RREB1: variants seen among roughly 807,000 people sequenced by gnomAD.
RREB1 encodes ras-responsive element-binding protein 1.
A neutral mutation model predicts 117.8 loss-of-function variants in RREB1; 27 were observed. That is an observed-to-expected ratio of 0.23 (90% CI 0.17 to 0.32). The LOEUF is 0.32. Ranked by LOEUF, RREB1 falls within the 10% of genes least tolerant of loss-of-function variation. RREB1 has a pLI of 1.00. For synonymous variants in RREB1, 1,298 were observed against 1,026.7 expected (o/e 1.26, Z -5.05); for missense variants, 2,577 against 2,378.2 (o/e 1.08, Z -1.74).
chr6:7,133,120 C>T (rs543404399), intron 1 of RREB1, among the ~76,000 whole-genome samples: 2 of 152,210 alleles, frequency 1.3e-5, no homozygotes, highest in South Asian at 4.1e-4. Flanking sequence ...GAGCATTGCA[C>T]TGGAAGGGGC....
At chr6:7,228,859 C>A in intron 9 of RREB1, 138 bp from the exon 10 acceptor site, 1 of 741,118 alleles carries the variant, frequency 1.3e-6, no homozygotes, top group Non-Finnish European at 1.9e-6. Context: ...ATTGCCCAGG[C>A]TGGGAACTCT....
intron 8 of RREB1, chr6:7,212,805 CTTATG>C (rs1766690738): frequency 6.6e-6 from 1 of 152,110 alleles, no homozygotes; most frequent in Admixed American, 6.5e-5. Flanking sequence ...AAGCTGAAGA[CTTATG>C]TTATAGGGAA....
intron 1 of RREB1, among the ~76,000 whole-genome samples, chr6:7,169,621 G>T (rs937703788): frequency 1.3e-5 from 2 of 152,128 alleles, no homozygotes; most frequent in African/African-American, 4.8e-5. Context: ...TCTTGGCCTT[G>T]CAAATCTGGC....
intron 8 of RREB1, chr6:7,212,017 A>T: frequency 2.9e-6 from 1 of 348,510 alleles, no homozygotes; most frequent in Non-Finnish European, 5.3e-6. Flanking sequence ...TGGACAACAG[A>T]TAGATTTTCT....
chr6:7,130,848 C>G (rs1042588548), intron 1 of RREB1, among the ~76,000 whole-genome samples: 2 of 151,774 alleles, frequency 1.3e-5, no homozygotes, highest in African/African-American at 4.8e-5. Context: ...AACTTCTGAC[C>G]TCATGATCCA....
chr6:7,151,268 G>T (rs771094484), intron 1 of RREB1, among the ~76,000 whole-genome samples: 3 of 152,174 alleles, frequency 2.0e-5, no homozygotes, highest in Admixed American at 6.5e-5. Flanking sequence ...GGGGGGAGCT[G>T]AGGCCCAAAG....
chr6:7,135,142 C>G (rs1762297978), intron 1 of RREB1, among the ~76,000 whole-genome samples: 1 of 152,196 alleles, frequency 6.6e-6, no homozygotes, highest in Non-Finnish European at 1.5e-5. Context: ...CAAGCCCAAC[C>G]TTGATTATGA....
chr6:7,241,944 TCAGCCCACTGG>T (rs139230170), intron 11 of RREB1, among the ~76,000 whole-genome samples: 16,971 of 152,286 alleles, frequency 0.11, 1,337 homozygotes, highest in Non-Finnish European at 0.17. Flanking sequence ...GACCTGGAGT[TCAGCCCACTGG>T]AAGCGCACAC....
intron 5 of RREB1, among the ~76,000 whole-genome samples, chr6:7,188,140 C>G (rs959431096): frequency 6.6e-6 from 1 of 152,002 alleles, no homozygotes; most frequent in Non-Finnish European, 1.5e-5. Context: ...TGCACTGCAG[C>G]CTGGGTGACA....
At chr6:7,200,613 G>A (rs1485917131) in intron 6 of RREB1, among the ~76,000 whole-genome samples, 2 of 152,114 alleles carry the variant, frequency 1.3e-5, no homozygotes, top group East Asian at 1.9e-4. Context: ...TCTTGTGGCC[G>A]ATGCTTACTT....
chr6:7,194,107 G>A (rs1356150320), intron 6 of RREB1, among the ~76,000 whole-genome samples: 1 of 152,154 alleles, frequency 6.6e-6, no homozygotes, highest in Non-Finnish European at 1.5e-5. Context: ...CATTTTGACT[G>A]AATTTTATTA....
At chr6:7,188,559 T>A (rs964699677) in intron 5 of RREB1, among the ~76,000 whole-genome samples, 1 of 152,186 alleles carries the variant, frequency 6.6e-6, no homozygotes, top group Admixed American at 6.5e-5. Context: ...CTTCTCCTGC[T>A]GTGGCCAATT....
rs1767835752 is a variant in RREB1 at position 7,230,104 on chromosome 6, T to C, written c.2005T>C (p.Ser669Pro). 2 of 1,600,724 alleles carry C rather than the reference T, an allele frequency of 1.2e-6. No homozygotes were observed. Among genetic ancestry groups the C allele is most frequent in the African/African-American group, 1.3e-5 (1 of 74,804 alleles). The change falls in exon 10 of 13, where the codon TCG (serine) becomes CCG (proline). Residue 669 changes from serine to proline, a missense_variant. By Grantham distance (74) the Ser-to-Pro change is moderately conservative. Coordinates refer to ENST00000379938, the MANE Select transcript of RREB1 (RefSeq NM_001003699.4). ...RAHVRSHLGI[S>P]PYQCNICDYI... Reference sequence around the variant, plus strand: ...CCACGTGCGCTCCCACCTGGGCATCTCGCCATACCAGTGCAACATCTGCGA... The same window carrying C: ...CCACGTGCGCTCCCACCTGGGCATCCCGCCATACCAGTGCAACATCTGCGA...
chr6:7,209,736 A>G (rs1766479378), intron 6 of RREB1, among the ~76,000 whole-genome samples: 2 of 152,218 alleles, frequency 1.3e-5, no homozygotes, highest in African/African-American at 4.8e-5. Context: ...ACAACAAAAA[A>G]GGAGAGTACA....
At position 7,147,558 on chromosome 6, in the gene RREB1, A is replaced by C. The variant is rs530140239; in HGVS notation, c.-284-29097A>C. Among the ~76,000 whole-genome samples, 3 of 152,306 alleles carry C rather than the reference A, an allele frequency of 2.0e-5. No homozygotes were observed. In the East Asian group the frequency reaches 5.8e-4, roughly 29 times the overall value. On this transcript the variant is annotated intron_variant, in intron 1 of 12. Coordinates refer to ENST00000379938, the MANE Select transcript of RREB1 (RefSeq NM_001003699.4). ...TGCCTTGTTTTCTTTCTCTGGCCTCATCAGAGTGAATTATATCTGACTGTG... is the reference window on the plus strand; with the variant it reads ...TGCCTTGTTTTCTTTCTCTGGCCTCCTCAGAGTGAATTATATCTGACTGTG...
intron 8 of RREB1, among the ~76,000 whole-genome samples, chr6:7,223,480 G>T (rs1767390362): frequency 6.9e-6 from 1 of 145,302 alleles, no homozygotes; most frequent in African/African-American, 2.7e-5. Flanking sequence ...AGAATCACTT[G>T]AACCGGGGAA....
intron 1 of RREB1, among the ~76,000 whole-genome samples, chr6:7,125,902 A>G (rs980053866): frequency 7.9e-5 from 12 of 152,284 alleles, no homozygotes; most frequent in South Asian, 2.1e-4. Context: ...CATCGGAGCA[A>G]GTTATGGAAC....
In RREB1 at chr6:7,249,312, G is replaced by T; in HGVS notation, c.*344G>T. 1 of 253,392 alleles carries T rather than the reference G, an allele frequency of 3.9e-6. No individual in the cohort carries two copies. The highest frequency in any genetic ancestry group is 7.5e-6 in the Non-Finnish European group (1 of 132,466). The allele number at this position is 253,392 out of a possible 1,614,324, so 15.7% of individuals were successfully genotyped here. A position where few individuals can be genotyped will look rare whatever the true frequency, so the allele number is the denominator to read the frequency against. ...AGGACCTCTTCATTTGAGCATTAGC[G>T]TTATTTTGTATTGGTGTGTGTGAGC... On this transcript the variant is annotated 3_prime_UTR_variant, in exon 13 of 13. Coordinates refer to ENST00000379938, the MANE Select transcript of RREB1 (RefSeq NM_001003699.4).
At chr6:7,212,084 A>G (rs1766642298) in intron 8 of RREB1, 2 of 245,372 alleles carry the variant, frequency 8.2e-6, no homozygotes, top group Non-Finnish European at 1.6e-5. Flanking sequence ...ATGTGGCCCA[A>G]ACAGGGACAG....
Sources: allele counts gnomAD v4.1 joint callset (sites outside exome capture counted in the v4.1 genomes callset), GRCh38; gene constraint gnomAD v4.1.1; transcripts MANE v1.5; gene names NCBI Gene and HGNC (gene_info 2026-07-23, HGNC 2026-07-21).